The following ATG7 variants were observed in gnomAD, a reference collection of about 807,000 sequenced individuals.
The protein encoded by ATG7 is ubiquitin-like modifier-activating enzyme ATG7.
ATG7 carries 70 observed loss-of-function variants against 82.4 expected under a neutral mutation model. The ratio of observed to expected loss-of-function variants is 0.85; its 90% CI spans 0.70 to 1.04. ATG7 has a LOEUF of 1.04. ATG7 is among the 50% of genes least tolerant of loss of function. The pLI is 0.00. For synonymous variants in ATG7, 287 were observed against 313.0 expected (o/e 0.92, Z 0.88); for missense variants, 792 against 864.3 (o/e 0.92, Z 1.05).
chr3:11,562,942 G>A, the ATG7 span, among the ~76,000 whole-genome samples: 2 of 152,254 alleles, frequency 1.3e-5, no homozygotes, highest in South Asian at 2.1e-4. Flanking sequence ...CCCTTGCCAC[G>A]TGTGCCGTGG....
intron 18 of ATG7, among the ~76,000 whole-genome samples, chr3:11,366,425 C>G (rs2076615783): frequency 6.6e-6 from 1 of 152,000 alleles, no homozygotes; most frequent in African/African-American, 2.4e-5. Flanking sequence ...ATGTGTTAAT[C>G]TTTTCTACAG....
chr3:11,297,555 C>G (rs1182384854), intron 3 of ATG7, among the ~76,000 whole-genome samples: 2 of 151,978 alleles, frequency 1.3e-5, no homozygotes, highest in Non-Finnish European at 2.9e-5. Context: ...TAGAAAGTTA[C>G]AGTATACGTA....
chr3:11,416,707 T>C (rs2081401366), intron 19 of ATG7, among the ~76,000 whole-genome samples: 1 of 152,186 alleles, frequency 6.6e-6, no homozygotes, highest in South Asian at 2.1e-4. Context: ...GTGTCATTGA[T>C]TTCTCCTCTA....
chr3:11,333,180 G>A, intron 11 of ATG7, 87 bp downstream of exon 11: 1 of 1,409,700 alleles, frequency 7.1e-7, no homozygotes, highest in Non-Finnish European at 9.3e-7. Flanking sequence ...CGTCACAATG[G>A]CAGAAGAAAG....
At chr3:11,293,176 G>T (rs1298431872) in intron 3 of ATG7, among the ~76,000 whole-genome samples, 1 of 152,180 alleles carries the variant, frequency 6.6e-6, no homozygotes, top group Non-Finnish European at 1.5e-5. Context: ...ATGTTTAGAG[G>T]TTAGAGCTAG....
chr3:11,328,070 G>A lies in ATG7; in HGVS notation c.679-3270G>A, dbSNP rs74943470. Among the ~76,000 whole-genome samples the A allele has an allele frequency of 2.6e-3, 401 of 152,302 alleles. 1 individual carries two copies. Among genetic ancestry groups the A allele is most frequent in the African/African-American group, 9.2e-3 (381 of 41,562 alleles). On this transcript the variant is annotated intron_variant, in intron 9 of 20. Transcript: ENST00000693202. ...TACACCCCAAATTCAAGTCCATGGA[G>A]TGGACCAGCTGCATCAGAATTATTC...
At chr3:11,415,625 T>A (rs9878389) in intron 19 of ATG7, among the ~76,000 whole-genome samples, 3 of 152,072 alleles carry the variant, frequency 2.0e-5, no homozygotes, top group East Asian at 3.9e-4. Context: ...CTACGCCTAC[T>A]CAGGGTCAGG....
At chr3:11,494,098 C>G (rs1242422118) in intron 20 of ATG7, among the ~76,000 whole-genome samples, 1 of 152,226 alleles carries the variant, frequency 6.6e-6, no homozygotes, top group East Asian at 1.9e-4. Context: ...GAAAGCCAAT[C>G]ACTGAGACAA....
chr3:11,474,398 G>A (rs1054473671), intron 20 of ATG7, among the ~76,000 whole-genome samples: 4 of 152,168 alleles, frequency 2.6e-5, no homozygotes, highest in Non-Finnish European at 2.9e-5. Context: ...TCAGGAGTTC[G>A]AGACCAGCCT....
At chr3:11,491,694 A>G (rs2090371898) in intron 20 of ATG7, among the ~76,000 whole-genome samples, 2 of 152,210 alleles carry the variant, frequency 1.3e-5, no homozygotes, top group South Asian at 4.1e-4. Context: ...TCTAACAGAC[A>G]GGACCCTCAG....
At chr3:11,437,940 C>T (rs1032033021) in intron 20 of ATG7, among the ~76,000 whole-genome samples, 4 of 152,174 alleles carry the variant, frequency 2.6e-5, no homozygotes, top group African/African-American at 9.7e-5. Flanking sequence ...TCCGAATTTT[C>T]CCAGAAATGT....
intron 20 of ATG7, among the ~76,000 whole-genome samples, chr3:11,464,836 G>A (rs977732655): frequency 1.3e-5 from 2 of 152,148 alleles, no homozygotes; most frequent in Admixed American, 6.5e-5. Context: ...GCAAGTTGCA[G>A]AGTCATCCTA....
chr3:11,540,269 A>G (rs2070708471), intron 20 of ATG7, among the ~76,000 whole-genome samples: 1 of 152,056 alleles, frequency 6.6e-6, no homozygotes, highest in Admixed American at 6.6e-5. Flanking sequence ...GCATCTCATT[A>G]TGGCTTTTAT....
intron 20 of ATG7, among the ~76,000 whole-genome samples, chr3:11,506,253 C>T (rs999163773): frequency 4.6e-5 from 7 of 152,186 alleles, no homozygotes; most frequent in African/African-American, 1.7e-4. Flanking sequence ...CTCCATGTAA[C>T]AGTCTAGAGC....
intron 9 of ATG7, among the ~76,000 whole-genome samples, chr3:11,323,098 A>G (rs73125438): frequency 0.026 from 4,034 of 152,326 alleles, 185 homozygotes; most frequent in African/African-American, 0.092. Flanking sequence ...AACTGTCAAA[A>G]AAAAAAGTTA....
rs778210692 is a variant in ATG7 at position 11,331,444 on chromosome 3, T to C, written c.767+16T>C. On this transcript the variant is annotated intron_variant, in intron 10 of 20. Coordinates refer to ENST00000693202, the MANE Select transcript of ATG7 (RefSeq NM_001349232.2). ...CCCACAGATGGTATTTACAAGAGTG[T>C]GTGTTTGTCTGTCTGTCTGCCTTTG... is the stretch of plus-strand genomic sequence containing the variant. The C allele has an allele frequency of 1.3e-6, 2 of 1,544,894 alleles. No homozygotes were observed.
intron 20 of ATG7, among the ~76,000 whole-genome samples, chr3:11,512,766 A>C (rs1471294122): frequency 1.3e-5 from 2 of 152,244 alleles, no homozygotes; most frequent in African/African-American, 4.8e-5. Flanking sequence ...ATAGTGTGGA[A>C]GGGGACCTGA....
At position 11,555,062 on chromosome 3, in the gene ATG7, T is replaced by G; in HGVS notation, c.*219T>G. The G allele has an allele frequency of 1.8e-6, 1 of 570,226 alleles. No individual in the cohort carries two copies. The highest frequency in any genetic ancestry group is 3.0e-6 in the Non-Finnish European group (1 of 332,742). 35.3% of individuals were successfully genotyped at this position (570,226 alleles called of 1,614,324 possible). A position where few individuals can be genotyped will look rare whatever the true frequency, so the allele number is the denominator to read the frequency against. On this transcript the variant is annotated 3_prime_UTR_variant, in exon 21 of 21. Coordinates refer to ENST00000693202, the MANE Select transcript of ATG7 (RefSeq NM_001349232.2). ...CAGAGCTAAATAATAACCTTGGCCT[T>G]GGCCTTGCTATTGACCTGGGACTTG...
intron 20 of ATG7, among the ~76,000 whole-genome samples, chr3:11,440,010 A>G (rs7641852): frequency 0.031 from 4,773 of 152,292 alleles, 186 homozygotes; most frequent in African/African-American, 0.094. Flanking sequence ...TAAGGCTGGA[A>G]TCAGAGAGGA....
Sources: allele counts gnomAD v4.1 joint callset (sites outside exome capture counted in the v4.1 genomes callset), GRCh38; gene constraint gnomAD v4.1.1; transcripts MANE v1.5; gene names NCBI Gene and HGNC (gene_info 2026-07-23, HGNC 2026-07-21).